Variants in PCDHGB6 observed in about 807,000 individuals in gnomAD.
The protein encoded by PCDHGB6 is protocadherin gamma subfamily B, 6, also known as protocadherin gamma-B6.
In PCDHGB6, 51 loss-of-function variants were observed where a neutral mutation model predicts 59.1. The ratio of observed to expected loss-of-function variants is 0.86; its 90% CI spans 0.69 to 1.09. The LOEUF is 1.09. Ranked by LOEUF, PCDHGB6 falls within the 50% of genes least tolerant of loss-of-function variation. PCDHGB6 has a pLI of 0.00. For missense variants in PCDHGB6, 1,148 were observed against 1,205.1 expected (o/e 0.95, Z 0.70); for synonymous variants, 466 against 495.1 (o/e 0.94, Z 0.78).
chr5:141,489,610 C>G lies in PCDHGB6; in HGVS notation c.2419-5197C>G, dbSNP rs142775705. 3,083 of 1,614,088 alleles carry G rather than the reference C, an allele frequency of 1.9e-3. 6 individuals are homozygous for G. Among genetic ancestry groups the G allele is most frequent in the Non-Finnish European group, 2.4e-3 (2,793 of 1,179,988 alleles). ...GCTAATCCGTGTAGAGGTAGAGATC[C>G]TGGATCTCAATGACAACTCTCCTAG... On this transcript the variant is annotated intron_variant, in intron 1 of 3. Transcript: ENST00000520790. The surrounding 1 kb of genome is among the most constrained non-coding windows in gnomAD (Gnocchi z 4.5).
At chr5:141,415,275 G>T in intron 1 of PCDHGB6, 5 of 1,614,212 alleles carry the variant, frequency 3.1e-6, no homozygotes, top group Non-Finnish European at 4.2e-6. Flanking sequence ...TGGTGGTAGC[G>T]GTGGCCGCGG....
chr5:141,449,830 T>G (rs1316368063), intron 1 of PCDHGB6, among the ~76,000 whole-genome samples: 1 of 151,724 alleles, frequency 6.6e-6, no homozygotes, highest in Non-Finnish European at 1.5e-5. Flanking sequence ...AAGGACATTC[T>G]TTTATATAAT....
At chr5:141,460,991 A>G (rs889917939) in intron 1 of PCDHGB6, among the ~76,000 whole-genome samples, 39 of 141,522 alleles carry the variant, frequency 2.8e-4, no homozygotes, top group East Asian at 1.0e-3. Flanking sequence ...GTGTATATAT[A>G]TATATGTGTA....
chr5:141,501,182 C>A (rs531641143), intron 2 of PCDHGB6, among the ~76,000 whole-genome samples: 1 of 152,126 alleles, frequency 6.6e-6, no homozygotes, highest in Non-Finnish European at 1.5e-5. Context: ...TACATTTTAA[C>A]ACAATTAAAT....
rs1243327893 is a variant in PCDHGB6, at chr5:141,491,671, C to G, written c.2419-3136C>G. 1 of 1,613,484 alleles carries G rather than the reference C, an allele frequency of 6.2e-7. No homozygotes were observed. Among genetic ancestry groups the G allele is most frequent in the Admixed American group, 1.7e-5 (1 of 60,034 alleles). On this transcript the variant is annotated intron_variant, in intron 1 of 3. Transcript: ENST00000520790. This position sits in a 1 kb window ranked among gnomAD's most constrained non-coding sequence, Gnocchi z 6.9. ...GCTGGAGCCTGACGCCATCCGGTCC[C>G]GCTCTAATACGCTGCGGGAGCGGAG...
intron 1 of PCDHGB6, among the ~76,000 whole-genome samples, chr5:141,447,104 A>G (rs1212797996): frequency 2.0e-5 from 3 of 151,958 alleles, no homozygotes; most frequent in African/African-American, 7.3e-5. Flanking sequence ...TCACATGATT[A>G]TATGTGCTCC....
chr5:141,461,213 T>C (rs1457474925), intron 1 of PCDHGB6, among the ~76,000 whole-genome samples: 1 of 152,168 alleles, frequency 6.6e-6, no homozygotes, highest in African/African-American at 2.4e-5. Flanking sequence ...AGAATCTCCA[T>C]ACTGTTTTCC....
chr5:141,489,089 A>C lies in PCDHGB6; in HGVS notation c.2419-5718A>C. 6 of 284,452 alleles carry C rather than the reference A, an allele frequency of 2.1e-5. No individual in the cohort carries two copies. The highest frequency in any genetic ancestry group is 5.7e-5 in the East Asian group (1 of 17,568). The allele number at this position is 284,452 out of a possible 1,614,324, so 17.6% of individuals were successfully genotyped here. A position where few individuals can be genotyped will look rare whatever the true frequency, so the allele number is the denominator to read the frequency against. Reference sequence around the variant, plus strand: ...CCCTGCCCACCCCCGCCACTCGGTGACTAAGAACTGCTGCAAGCAGGCAAA... The same window carrying C: ...CCCTGCCCACCCCCGCCACTCGGTGCCTAAGAACTGCTGCAAGCAGGCAAA... On this transcript the variant is annotated intron_variant, in intron 1 of 3. Transcript: ENST00000520790. This position sits in a 1 kb window ranked among gnomAD's most constrained non-coding sequence, Gnocchi z 4.5.
chr5:141,464,310 A>T lies in PCDHGB6; in HGVS notation c.2419-30497A>T, dbSNP rs1327900308. ...AAAAAACTCCATTGTATGTGCACAT[A>T]TCATTATCTGTTCAACCCATCTATG... On this transcript the variant is annotated intron_variant, in intron 1 of 3. Coordinates refer to ENST00000520790, the MANE Select transcript of PCDHGB6 (RefSeq NM_018926.3). 2.0e-5 allele frequency among the ~76,000 whole-genome samples: 3 copies of T among 151,494 alleles called. No homozygotes were observed. The East Asian group carries it at 5.8e-4, about 29-fold the overall frequency.
At chr5:141,449,198 A>C (rs2098631518) in intron 1 of PCDHGB6, among the ~76,000 whole-genome samples, 1 of 152,188 alleles carries the variant, frequency 6.6e-6, no homozygotes, top group Non-Finnish European at 1.5e-5. Context: ...AAGAAGTGTT[A>C]ATTCTAACTT....
chr5:141,434,870 C>G (rs1263324193), intron 1 of PCDHGB6, among the ~76,000 whole-genome samples: 3 of 151,726 alleles, frequency 2.0e-5, no homozygotes, highest in Non-Finnish European at 1.5e-5. Flanking sequence ...ATATATGTGA[C>G]AGATACCAAC....
chr5:141,460,979 GTGTGTATATATATATA>G (rs2099004425), intron 1 of PCDHGB6, among the ~76,000 whole-genome samples: 1 of 134,290 alleles, frequency 7.4e-6, no homozygotes, highest in Non-Finnish European at 1.5e-5. Flanking sequence ...GTGTGTGTGT[GTGTGTATATATATATA>G]TGTGTATATA....
chr5:141,423,708 T>A (rs1384948123), intron 1 of PCDHGB6: 23 of 1,349,902 alleles, frequency 1.7e-5, no homozygotes, highest in Non-Finnish European at 2.2e-5. Flanking sequence ...TTGGCACAAG[T>A]CTTTTAAGGA....
At chr5:141,478,812 A>G (rs952753762) in intron 1 of PCDHGB6, 16 of 1,453,436 alleles carry the variant, frequency 1.1e-5, no homozygotes, top group Non-Finnish European at 1.4e-5. Flanking sequence ...TTGCTATCAC[A>G]ACTAACCAAT....
Position 141,493,806 on chromosome 5 carries a change from T to C in PCDHGB6, c.2419-1001T>C, listed in dbSNP as rs1339302166. On this transcript the variant is annotated intron_variant, in intron 1 of 3. Coordinates refer to ENST00000520790, the MANE Select transcript of PCDHGB6 (RefSeq NM_018926.3). This position sits in a 1 kb window ranked among gnomAD's most constrained non-coding sequence, Gnocchi z 4.3. ...TCCTTCTCCCTGGAGTAATCTGAGA[T>C]ACTCACACTCTCTGCTTCTGGGAGC... is the stretch of plus-strand genomic sequence containing the variant. Among the ~76,000 whole-genome samples, 1 of 152,162 alleles carries C rather than the reference T, an allele frequency of 6.6e-6. No homozygotes were observed. The highest frequency in any genetic ancestry group is 1.5e-5 in the Non-Finnish European group (1 of 68,038).
intron 1 of PCDHGB6, among the ~76,000 whole-genome samples, chr5:141,466,036 G>C (rs981390655): frequency 1.3e-5 from 2 of 152,064 alleles, no homozygotes; most frequent in Non-Finnish European, 2.9e-5. Context: ...GCAGGAGAAC[G>C]GCATGAACCC....
chr5:141,491,648 T>G lies in PCDHGB6; in HGVS notation c.2419-3159T>G, dbSNP rs756792762. 1 of 1,613,834 alleles carries G rather than the reference T, an allele frequency of 6.2e-7. No individual in the cohort carries two copies. Among genetic ancestry groups the G allele is most frequent in the Non-Finnish European group, 8.5e-7 (1 of 1,180,002 alleles). On this transcript the variant is annotated intron_variant, in intron 1 of 3. Coordinates refer to ENST00000520790, the MANE Select transcript of PCDHGB6 (RefSeq NM_018926.3). This position sits in a 1 kb window ranked among gnomAD's most constrained non-coding sequence, Gnocchi z 6.9. Reference sequence around the variant, plus strand: ...GTTCAGCAGCCCACAGCTCTGGCGCTGGAGCCTGACGCCATCCGGTCCCGC... The same window carrying G: ...GTTCAGCAGCCCACAGCTCTGGCGCGGGAGCCTGACGCCATCCGGTCCCGC...
At chr5:141,505,666 G>T (rs904221281) in intron 3 of PCDHGB6, among the ~76,000 whole-genome samples, 185 bp downstream of exon 3, 3 of 152,180 alleles carry the variant, frequency 2.0e-5, no homozygotes, top group Non-Finnish European at 4.4e-5. Context: ...ACAGCAGAGG[G>T]GTTGGGGGTC....
rs930862898 is a variant in PCDHGB6 at position 141,480,073 on chromosome 5, C to A, written c.2419-14734C>A. ...GGAATAATAAGTGTTTTATAAGATT[C>A]ATGCATGATATAATGTATGCAAAGT... On this transcript the variant is annotated intron_variant, in intron 1 of 3. Coordinates refer to ENST00000520790, the MANE Select transcript of PCDHGB6 (RefSeq NM_018926.3). Among the ~76,000 whole-genome samples, 5 of 152,174 alleles carry A rather than the reference C, an allele frequency of 3.3e-5. No homozygotes were observed. In the South Asian group the frequency reaches 8.3e-4, roughly 25 times the overall value.
Sources: allele counts gnomAD v4.1 joint callset (sites outside exome capture counted in the v4.1 genomes callset), GRCh38; gene constraint gnomAD v4.1.1; non-coding constraint Gnocchi (gnomAD v3.1); transcripts MANE v1.5; gene names NCBI Gene and HGNC (gene_info 2026-07-23, HGNC 2026-07-21).